NRG3: variants seen among roughly 807,000 people sequenced by gnomAD.
NRG3 encodes the protein neuregulin 3, also known as pro-neuregulin-3, membrane-bound isoform.
NRG3 carries 31 observed loss-of-function variants against 66.9 expected under a neutral mutation model. That is an observed-to-expected ratio of 0.46 (90% CI 0.35 to 0.63). NRG3 has a LOEUF of 0.63. Among genes scored for constraint, NRG3 ranks in the 20% least tolerant of loss-of-function variants. NRG3 has a pLI of 0.00. For synonymous variants in NRG3, 393 were observed against 359.4 expected, an observed-to-expected ratio of 1.09 and a Z score of -1.06; for missense variants, 910 against 878.9, an observed-to-expected ratio of 1.04 and a Z score of -0.45.
At chr10:82,471,492 G>A (rs1841256525) in intron 2 of NRG3, among the ~76,000 whole-genome samples, 1 of 152,170 alleles carries the variant, frequency 6.6e-6, no homozygotes, top group South Asian at 2.1e-4. Context: ...CAGTTTAAAT[G>A]ACATCTTCTC....
chr10:82,843,646 G>A (rs1284882051), intron 3 of NRG3, among the ~76,000 whole-genome samples: 1 of 152,116 alleles, frequency 6.6e-6, no homozygotes. Flanking sequence ...CAGATGTTAG[G>A]TGAGCACAGC....
chr10:82,345,791 G>A (rs998839140), intron 1 of NRG3, among the ~76,000 whole-genome samples: 194 of 151,892 alleles, frequency 1.3e-3, no homozygotes, highest in African/African-American at 4.4e-3. Context: ...TCCCTTGTAA[G>A]TTGGATTCCT....
chr10:82,708,045 A>G (rs780980118), intron 2 of NRG3, among the ~76,000 whole-genome samples: 4 of 151,928 alleles, frequency 2.6e-5, no homozygotes, highest in African/African-American at 9.7e-5. Flanking sequence ...AAATAAATAC[A>G]TAAGATAAAA....
intron 1 of NRG3, among the ~76,000 whole-genome samples, chr10:82,013,825 T>C (rs2061677833): frequency 6.6e-6 from 1 of 152,196 alleles, no homozygotes; most frequent in African/African-American, 2.4e-5. Flanking sequence ...TTCAATTCCC[T>C]ATTCCTCTAA....
chr10:81,958,918 C>A (rs1161843695), intron 1 of NRG3, among the ~76,000 whole-genome samples: 1 of 151,774 alleles, frequency 6.6e-6, no homozygotes, highest in Non-Finnish European at 1.5e-5. Context: ...AAAACCAAAA[C>A]CAGATATACA....
At chr10:82,885,322 T>A (rs578230140) in intron 4 of NRG3, among the ~76,000 whole-genome samples, 1 of 151,430 alleles carries the variant, frequency 6.6e-6, no homozygotes, top group African/African-American at 2.4e-5. Flanking sequence ...AAAGCTGGAG[T>A]TTTCTCTGAA....
At chr10:82,781,267 T>C (rs2060109009) in intron 3 of NRG3, among the ~76,000 whole-genome samples, 1 of 152,216 alleles carries the variant, frequency 6.6e-6, no homozygotes, top group Non-Finnish European at 1.5e-5. Flanking sequence ...TGCCATCTCA[T>C]CCAGACTGCC....
chr10:82,072,303 G>A (rs748497435), intron 1 of NRG3, among the ~76,000 whole-genome samples: 7 of 152,212 alleles, frequency 4.6e-5, no homozygotes, highest in Non-Finnish European at 7.3e-5. Context: ...CGGAAGAAGC[G>A]TGTTGCCTTT....
At chr10:82,237,241 G>A (rs190873010) in intron 1 of NRG3, among the ~76,000 whole-genome samples, 2 of 152,208 alleles carry the variant, frequency 1.3e-5, no homozygotes, top group East Asian at 3.9e-4. Flanking sequence ...ATTATTTTCT[G>A]CCTCAGCACT....
Position 82,015,615 on chromosome 10 carries a change from G to A in NRG3, c.823+139452G>A, listed in dbSNP as rs369900049. 1.1e-4 allele frequency among the ~76,000 whole-genome samples: 17 copies of A among 151,914 alleles called. No homozygotes were observed. In the East Asian group the frequency reaches 2.1e-3, roughly 19 times the overall value. Reference sequence around the variant, plus strand: ...ATAAGGGGCTCTTTCCTTTTTGCTCGGCACTTCTCCTTTCTGCCACCTTGG... The same window carrying A: ...ATAAGGGGCTCTTTCCTTTTTGCTCAGCACTTCTCCTTTCTGCCACCTTGG... On this transcript the variant is annotated intron_variant, in intron 1 of 8. Coordinates refer to ENST00000372141, the MANE Select transcript of NRG3 (RefSeq NM_001010848.4).
intron 1 of NRG3, among the ~76,000 whole-genome samples, chr10:82,270,566 A>G (rs1003695164): frequency 1.2e-4 from 18 of 152,062 alleles, no homozygotes; most frequent in Admixed American, 1.1e-3. Flanking sequence ...CTTTTGATAT[A>G]TACTCCCCTT....
At chr10:82,174,098 A>T (rs1048954799) in intron 1 of NRG3, among the ~76,000 whole-genome samples, 1 of 152,096 alleles carries the variant, frequency 6.6e-6, no homozygotes, top group African/African-American at 2.4e-5. Flanking sequence ...AAAATTACCC[A>T]TGTGTGGTAC....
chr10:82,881,327 G>T (rs1366663394), intron 4 of NRG3, among the ~76,000 whole-genome samples: 1 of 152,210 alleles, frequency 6.6e-6, no homozygotes, highest in Admixed American at 6.5e-5. Context: ...GAAGAAAGTA[G>T]CATTTAACTT....
chr10:82,242,460 T>G (rs1045159735), intron 1 of NRG3, among the ~76,000 whole-genome samples: 6 of 152,230 alleles, frequency 3.9e-5, no homozygotes, highest in Admixed American at 3.9e-4. Flanking sequence ...CTGTTGGGCT[T>G]GTATTTTCTC....
intron 1 of NRG3, among the ~76,000 whole-genome samples, chr10:81,907,097 A>G (rs1342141089): frequency 6.6e-6 from 1 of 152,166 alleles, no homozygotes; most frequent in African/African-American, 2.4e-5. Context: ...CTTAGGAAAA[A>G]TAGCACCATT....
chr10:82,340,207 G>A (rs2082611237), intron 1 of NRG3, among the ~76,000 whole-genome samples: 1 of 152,132 alleles, frequency 6.6e-6, no homozygotes. Flanking sequence ...CACCATAGAA[G>A]TAAAAACATA....
chr10:82,352,368 A>G (rs1399459998), intron 1 of NRG3, among the ~76,000 whole-genome samples: 1 of 152,194 alleles, frequency 6.6e-6, no homozygotes, highest in Non-Finnish European at 1.5e-5. Context: ...ACTTTGATAA[A>G]TCATCTCAAA....
intron 2 of NRG3, among the ~76,000 whole-genome samples, chr10:82,728,048 T>G (rs1411934241): frequency 1.3e-5 from 2 of 152,174 alleles, no homozygotes; most frequent in Admixed American, 6.5e-5. Flanking sequence ...ACCCAATGCC[T>G]GTGCCCCCAG....
chr10:82,477,204 C>A (rs1409971946), intron 2 of NRG3, among the ~76,000 whole-genome samples: 1 of 152,120 alleles, frequency 6.6e-6, no homozygotes, highest in Non-Finnish European at 1.5e-5. Flanking sequence ...AGAAGGAGAA[C>A]AAGAACCTCA....
Sources: allele counts gnomAD v4.1 joint callset (sites outside exome capture counted in the v4.1 genomes callset), GRCh38; gene constraint gnomAD v4.1.1; transcripts MANE v1.5; gene names NCBI Gene and HGNC (gene_info 2026-07-23, HGNC 2026-07-21).